The following RUFY3 variants were observed in gnomAD, a reference collection of about 807,000 sequenced individuals.
RUFY3 encodes RUN and FYVE domain containing 3, also known as protein RUFY3.
Under a neutral mutation model 84.0 loss-of-function variants are expected in RUFY3, and 34 were observed. That is an observed-to-expected ratio of 0.40 (90% CI 0.31 to 0.54). The LOEUF is 0.54. Ranked by LOEUF, RUFY3 falls within the 20% of genes least tolerant of loss-of-function variation. RUFY3 has a pLI of 0.39. For missense variants in RUFY3, 507 were observed against 736.8 expected (o/e 0.69, Z 3.61); for synonymous variants, 242 against 252.9 (o/e 0.96, Z 0.41).
intron 6 of RUFY3, among the ~76,000 whole-genome samples, chr4:70,774,382 G>A (rs1022886173): frequency 2.6e-5 from 4 of 151,074 alleles, no homozygotes; most frequent in Non-Finnish European, 5.9e-5. Context: ...GCCGAGGCAG[G>A]CAGATGACCT....
chr4:70,791,668 GTGCATTGTTCATGTCTGTATCTGCAAGCC>G, intron 12 of RUFY3: 3 of 1,028,546 alleles, frequency 2.9e-6, no homozygotes, highest in Non-Finnish European at 2.3e-6. Flanking sequence ...CAGATTCTCG[GTGCATTGTTCATGTCTGTATCTGCAAGCC>G]TGTTCTGCCA....
rs1199677178 is a variant in RUFY3 at position 70,807,291 on chromosome 4, C to T, written c.*632C>T. ...ACCAGAATTTTCTGGTCTTTACCTA[C>T]AAGGGTTTTCATTATCAAAAAAAAG... On this transcript the variant is annotated 3_prime_UTR_variant, in exon 18 of 18. Transcript: ENST00000381006. The T allele has an allele frequency of 1.3e-5, 2 of 151,940 alleles. No homozygotes were observed. The highest frequency in any genetic ancestry group is 2.4e-5 in the African/African-American group (1 of 41,328). 9.4% of individuals were successfully genotyped at this position (151,940 alleles called of 1,614,324 possible). A position where few individuals can be genotyped will look rare whatever the true frequency, so the allele number is the denominator to read the frequency against.
At chr4:70,764,723 T>C in intron 4 of RUFY3, 147 bp downstream of exon 4, 2 of 588,730 alleles carry the variant, frequency 3.4e-6, no homozygotes, top group Non-Finnish European at 6.0e-6. Context: ...CTCACACACA[T>C]ATCCTCCCAA....
At chr4:70,791,230 A>G (rs757691943) in intron 12 of RUFY3, 2 of 1,612,092 alleles carry the variant, frequency 1.2e-6, no homozygotes, top group East Asian at 4.5e-5. Flanking sequence ...TTTAGTGAAA[A>G]GGATTTGGTG....
At chr4:70,803,342 A>C (rs1245730573) in intron 16 of RUFY3, among the ~76,000 whole-genome samples, 1 of 152,214 alleles carries the variant, frequency 6.6e-6, no homozygotes, top group Non-Finnish European at 1.5e-5. Flanking sequence ...ACACTTTGTT[A>C]ATCTAATAGT....
rs779388140 is a variant in RUFY3, at chr4:70,767,259, ATTTTTTTTTTTTT to A, written c.573-1261_573-1249del. 3.8e-3 allele frequency among the ~76,000 whole-genome samples: 187 copies of A among 49,692 alleles called. 3 individuals are homozygous for A. Among genetic ancestry groups the A allele is most frequent in the East Asian group, 0.021 (45 of 2,178 alleles). 32.6% of individuals were successfully genotyped at this position (49,692 alleles called of 152,430 possible). A position where few individuals can be genotyped will look rare whatever the true frequency, so the allele number is the denominator to read the frequency against. On this transcript the variant is annotated intron_variant, in intron 4 of 17. Transcript: ENST00000381006. ...TGCCACCATGCCCGGCTAATTTTGT[ATTTTTTTTTTTTT>A]TTTTTTTTTTTTTTTTTAGTAGAGA...
rs72850549 is a variant in RUFY3 at position 70,797,488 on chromosome 4, A to G, written c.1557+2594A>G. Among the ~76,000 whole-genome samples the G allele has an allele frequency of 1.2e-3, 189 of 152,308 alleles. 3 individuals carry two copies. The highest frequency in any genetic ancestry group is 4.4e-3 in the African/African-American group (183 of 41,566). ...GTGAGCTGCTAATTTACTGGCAAAT[A>G]GAAAACAATGGTATGTGGAAATTTA... On this transcript the variant is annotated intron_variant, in intron 14 of 17. Transcript: ENST00000381006.
chr4:70,782,112 C>G (rs992792840), intron 8 of RUFY3, among the ~76,000 whole-genome samples: 1 of 151,982 alleles, frequency 6.6e-6, no homozygotes, highest in African/African-American at 2.4e-5. Context: ...TCTTATAGAG[C>G]GTTTGTCACA....
intron 1 of RUFY3, among the ~76,000 whole-genome samples, chr4:70,758,687 T>C (rs531844918): frequency 2.6e-4 from 39 of 152,192 alleles, no homozygotes; most frequent in African/African-American, 8.9e-4. Flanking sequence ...CAAACACTTA[T>C]TTATTAATTT....
At chr4:70,728,557 A>T (rs887917811) in intron 1 of RUFY3, among the ~76,000 whole-genome samples, 7 of 152,248 alleles carry the variant, frequency 4.6e-5, no homozygotes, top group Non-Finnish European at 1.0e-4. Flanking sequence ...ATATTTCAAA[A>T]AAGAAAATGT....
At position 70,785,674 on chromosome 4, in the gene RUFY3, C is replaced by CA. The variant is rs529555155; in HGVS notation, c.1071+808dup. On this transcript the variant is annotated intron_variant, in intron 10 of 17. Coordinates refer to ENST00000381006, the MANE Select transcript of RUFY3 (RefSeq NM_001037442.4). ...TGAAACCCCATCTCTACTAAAAATA[C>CA]AAAAAAAAAAAAATCAGCCGGGCAT... Among the ~76,000 whole-genome samples the CA allele has an allele frequency of 3.6e-3, 485 of 133,332 alleles. 2 individuals carry two copies. The highest frequency in any genetic ancestry group is 5.5e-3 in the South Asian group (23 of 4,214). The allele number at this position is 133,332 out of a possible 152,430, so 87.5% of individuals were successfully genotyped here.
chr4:70,705,827 G>T (rs982608824), intron 1 of RUFY3, among the ~76,000 whole-genome samples: 1 of 152,354 alleles, frequency 6.6e-6, no homozygotes, highest in South Asian at 2.1e-4. Flanking sequence ...AGTAATACTA[G>T]TAACTAATTT....
chr4:70,741,560 G>A (rs1721320949), intron 1 of RUFY3: 1 of 1,343,362 alleles, frequency 7.4e-7, no homozygotes, highest in African/African-American at 1.5e-5. Context: ...GTTTTTAATA[G>A]CACTTTTCTT....
intron 1 of RUFY3, among the ~76,000 whole-genome samples, chr4:70,754,082 G>GT (rs138122762): frequency 0.016 from 2,336 of 150,070 alleles, 59 homozygotes; most frequent in African/African-American, 0.055. Context: ...GAGTTTTGCT[G>GT]TTGTCGCCCA....
chr4:70,774,888 A>G (rs986598858), intron 6 of RUFY3, among the ~76,000 whole-genome samples: 4 of 151,862 alleles, frequency 2.6e-5, no homozygotes, highest in African/African-American at 4.8e-5. Flanking sequence ...AAATGCGTCT[A>G]ATAGATTGCA....
chr4:70,773,554 G>C lies in RUFY3; in HGVS notation c.740G>C (p.Ser247Thr). 1 of 1,610,702 alleles carries C rather than the reference G, an allele frequency of 6.2e-7. No homozygotes were observed. The highest frequency in any genetic ancestry group is 8.5e-7 in the Non-Finnish European group (1 of 1,177,062). Residue 247 changes from serine (S) to threonine (T), a missense_variant, in exon 6 of 18, where the codon AGC becomes ACC. Ser to Thr is a moderately conservative substitution (Grantham distance 58, BLOSUM62 1). Transcript: ENST00000381006. ...DFSMYLKDGNSSKGTEGDGQI... is the reference protein window; with the variant it reads ...DFSMYLKDGNTSKGTEGDGQI... ...TCAATGTATCTCAAGGACGGGAACA[G>C]CAGTAAAGGTACTGAAGGGTACGTA...
intron 1 of RUFY3, among the ~76,000 whole-genome samples, chr4:70,761,712 G>A (rs1225586941): frequency 6.6e-6 from 1 of 152,198 alleles, no homozygotes; most frequent in Non-Finnish European, 1.5e-5. Flanking sequence ...CCATCTGGTT[G>A]ATGAGAGCCA....
At chr4:70,799,109 C>A (rs1731898399) in intron 14 of RUFY3, among the ~76,000 whole-genome samples, 1 of 147,542 alleles carries the variant, frequency 6.8e-6, no homozygotes, top group African/African-American at 2.5e-5. Flanking sequence ...CATGCCACTG[C>A]ACTCCAGCCT....
chr4:70,781,512 A>G (rs1344604178), intron 8 of RUFY3, among the ~76,000 whole-genome samples: 1 of 152,218 alleles, frequency 6.6e-6, no homozygotes, highest in Non-Finnish European at 1.5e-5. Flanking sequence ...TGTCTACTTC[A>G]TTATTGGTAA....
Sources: allele counts gnomAD v4.1 joint callset (sites outside exome capture counted in the v4.1 genomes callset), GRCh38; gene constraint gnomAD v4.1.1; transcripts MANE v1.5; gene names NCBI Gene and HGNC (gene_info 2026-07-23, HGNC 2026-07-21).